MINK1: variants seen among roughly 807,000 people sequenced by gnomAD.
The protein encoded by MINK1 is misshapen-like kinase 1.
A neutral mutation model predicts 178.4 loss-of-function variants in MINK1; 46 were observed. That is an observed-to-expected ratio of 0.26 (90% CI 0.20 to 0.33). MINK1 has a LOEUF of 0.33. Ranked by LOEUF, MINK1 falls within the 10% of genes least tolerant of loss-of-function variation. The probability of loss-of-function intolerance (pLI) is 1.00; values close to 1 mark genes in which losing one functional copy is unlikely to be tolerated. For synonymous variants in MINK1, 797 were observed against 709.7 expected, an observed-to-expected ratio of 1.12 and a Z score of -1.96; for missense variants, 1,366 against 1,814.9, an observed-to-expected ratio of 0.75 and a Z score of 4.49.
At chr17:4,841,960 G>A (rs1363223928) in intron 1 of MINK1, among the ~76,000 whole-genome samples, 1 of 152,070 alleles carries the variant, frequency 6.6e-6, no homozygotes, top group Non-Finnish European at 1.5e-5. Flanking sequence ...GGTGGCTCAC[G>A]CCTGTAATCC....
intron 5 of MINK1, 29 bp downstream of exon 5, chr17:4,884,502 C>T (rs1968015933): frequency 1.3e-6 from 2 of 1,514,908 alleles, no homozygotes; most frequent in African/African-American, 1.4e-5. Context: ...CCCTTGTCTT[C>T]TCCTCCGCTA....
chr17:4,865,719 C>CAA lies in MINK1; in HGVS notation c.58-12579_58-12578dup, dbSNP rs141814055. On this transcript the variant is annotated intron_variant, in intron 1 of 31. Transcript: ENST00000355280. ...TCAACACAGGGAGACCCGTCTCTAC[C>CAA]AAAAAAAAAAAAAAAAAAAAGCCAG... 7.9e-4 allele frequency among the ~76,000 whole-genome samples: 80 copies of CAA among 101,580 alleles called. 1 individual carries two copies. The highest frequency in any genetic ancestry group is 2.6e-3 in the African/African-American group (74 of 28,656). 66.6% of individuals were successfully genotyped at this position (101,580 alleles called of 152,430 possible). A position where few individuals can be genotyped will look rare whatever the true frequency, so the allele number is the denominator to read the frequency against.
chr17:4,875,127 TC>T (rs750439494), intron 1 of MINK1: 21 of 519,928 alleles, frequency 4.0e-5, no homozygotes, highest in South Asian at 2.8e-4. Context: ...ATGGATGAGT[TC>T]TTCTGTTGGG....
At position 4,886,968 on chromosome 17, in the gene MINK1, C is replaced by T; in HGVS notation, c.950-142C>T. On this transcript the variant is annotated intron_variant, in intron 10 of 31. Coordinates refer to ENST00000355280, the MANE Select transcript of MINK1 (RefSeq NM_153827.5). This position sits in a 1 kb window ranked among gnomAD's most constrained non-coding sequence, Gnocchi z 6.1. Reference sequence around the variant, plus strand: ...CAGGCCCACACCTGAGACCCGCTGTCCTCCCATTGCCCCCAGGAAGTGGGT... The same window carrying T: ...CAGGCCCACACCTGAGACCCGCTGTTCTCCCATTGCCCCCAGGAAGTGGGT... 2.6e-6 allele frequency: 2 copies of T among 774,128 alleles called. No homozygotes were observed. The highest frequency in any genetic ancestry group is 4.2e-6 in the Non-Finnish European group (2 of 474,106). The allele number at this position is 774,128 out of a possible 1,614,324, so 48.0% of individuals were successfully genotyped here.
chr17:4,891,895 G>A (rs991222796), intron 16 of MINK1, among the ~76,000 whole-genome samples, 179 bp downstream of exon 16: 5 of 152,174 alleles, frequency 3.3e-5, no homozygotes, highest in Non-Finnish European at 7.3e-5. Context: ...GGGTGGCATC[G>A]ATCCCTGTGG....
At chr17:4,859,769 CAA>C (rs369995191) in intron 1 of MINK1, among the ~76,000 whole-genome samples, 2,899 of 97,294 alleles carry the variant, frequency 0.03, 90 homozygotes, top group African/African-American at 0.098. Context: ...GCCTGGGTGA[CAA>C]GAGCGAAACT....
Position 4,887,443 on chromosome 17 carries a change from T to G in MINK1, c.1020-137T>G, listed in dbSNP as rs1968319755. The G allele has an allele frequency of 2.4e-6, 2 of 840,480 alleles. No homozygotes were observed. The highest frequency in any genetic ancestry group is 3.5e-5 in the African/African-American group (2 of 57,774). The allele number at this position is 840,480 out of a possible 1,614,324, so 52.1% of individuals were successfully genotyped here. On this transcript the variant is annotated intron_variant, in intron 11 of 31. Transcript: ENST00000355280. The surrounding 1 kb of genome is among the most constrained non-coding windows in gnomAD (Gnocchi z 7.6). ...AGACTGGGCAGAAGGGGACGGTAAG[T>G]CTCCTGGCCACCTGGGAGTGGCCAG...
At chr17:4,843,141 C>T (rs1046577359) in intron 1 of MINK1, among the ~76,000 whole-genome samples, 9 of 152,152 alleles carry the variant, frequency 5.9e-5, no homozygotes, top group Non-Finnish European at 1.3e-4. Flanking sequence ...CTGAGCCCCA[C>T]GTGTCGAAGC....
chr17:4,844,499 G>C, intron 1 of MINK1: 2 of 468,338 alleles, frequency 4.3e-6, no homozygotes, highest in Non-Finnish European at 8.6e-6. Context: ...TTGGCCTCTA[G>C]ATCTGTGTCT....
chr17:4,841,903 G>A (rs1031840975), intron 1 of MINK1, among the ~76,000 whole-genome samples: 5 of 152,068 alleles, frequency 3.3e-5, no homozygotes, highest in African/African-American at 4.8e-5. Context: ...GGGGGTGTTC[G>A]GAAATGCTGA....
rs746728309 is a variant in MINK1, at chr17:4,894,177, C to T, written c.2674C>T (p.Pro892Ser). Residue 892 changes from proline to serine, a missense_variant, in exon 23 of 32, where the codon CCT becomes TCT. Physicochemically the swap from Pro to Ser is moderately conservative, Grantham distance 74. Transcript: ENST00000355280. The surrounding 1 kb of genome is among the most constrained non-coding windows in gnomAD (Gnocchi z 4.1). ...AACCCTGCCCTCTGTCCTGTAGACC[C>T]CTGAAGAGGAGCGGAACCTGCTGCA... ...GGGTMVVQRT[P>S]EEERNLLHAD... 2 of 1,613,562 alleles carry T rather than the reference C, an allele frequency of 1.2e-6. No homozygotes were observed. Among genetic ancestry groups the T allele is most frequent in the African/African-American group, 1.3e-5 (1 of 74,878 alleles).
rs1394389673 is a variant in MINK1 at position 4,892,728 on chromosome 17, C to G, written c.2271C>G (p.His757Gln). 1 of 1,612,030 alleles carries G rather than the reference C, an allele frequency of 6.2e-7. No homozygotes were observed. The highest frequency in any genetic ancestry group is 8.5e-7 in the Non-Finnish European group (1 of 1,179,552). ...GCGTCCTTCCAGCCTCTCACGGGCA[C>G]CTCCCCCAGGCTGGCTCACTGGAGC... ...SDSVLPASHGHLPQAGSLERN... is the reference protein window; with the variant it reads ...SDSVLPASHGQLPQAGSLERN... The change falls in exon 19 of 32, where the codon CAC becomes CAG. Residue 757 changes from histidine (H) to glutamine (Q), a missense_variant. Coordinates refer to ENST00000355280, the MANE Select transcript of MINK1 (RefSeq NM_153827.5).
chr17:4,878,465 G>C (rs1478967802), intron 2 of MINK1, 83 bp downstream of exon 2: 2 of 1,296,776 alleles, frequency 1.5e-6, no homozygotes, highest in Non-Finnish European at 2.1e-6. Context: ...TTCCTGGTCT[G>C]CAGGTCTGAA....
Position 4,885,082 on chromosome 17 carries a change from G to T in MINK1, c.508+80G>T. The T allele has an allele frequency of 7.4e-7, 1 of 1,346,766 alleles. No individual in the cohort carries two copies. The highest frequency in any genetic ancestry group is 1.0e-6 in the Non-Finnish European group (1 of 955,624). 83.4% of individuals were successfully genotyped at this position (1,346,766 alleles called of 1,614,324 possible). A position where few individuals can be genotyped will look rare whatever the true frequency, so the allele number is the denominator to read the frequency against. ...TGAGGGGCCCCTTTTTCTCTCTGGT[G>T]GCTCAGGCCCAACTCCCTTCCTACT... On this transcript the variant is annotated intron_variant, in intron 6 of 31. Coordinates refer to ENST00000355280, the MANE Select transcript of MINK1 (RefSeq NM_153827.5). This position sits in a 1 kb window ranked among gnomAD's most constrained non-coding sequence, Gnocchi z 5.0.
rs1455238273 is a variant in MINK1 at position 4,894,726 on chromosome 17, A to G, written c.2917+93A>G. Reference sequence around the variant, plus strand: ...GTCTTGAGACGCAGCCTCACAAAGCATAGCCACAGGACCTCTCCCTTGGGC... The same window carrying G: ...GTCTTGAGACGCAGCCTCACAAAGCGTAGCCACAGGACCTCTCCCTTGGGC... On this transcript the variant is annotated intron_variant, in intron 24 of 31. Coordinates refer to ENST00000355280, the MANE Select transcript of MINK1 (RefSeq NM_153827.5). The surrounding 1 kb of genome is among the most constrained non-coding windows in gnomAD (Gnocchi z 4.1). 1.1e-5 allele frequency: 11 copies of G among 1,002,110 alleles called. No homozygotes were observed. Among genetic ancestry groups the G allele is most frequent in the African/African-American group, 3.2e-5 (2 of 62,648 alleles). 62.1% of individuals were successfully genotyped at this position (1,002,110 alleles called of 1,614,324 possible). A position where few individuals can be genotyped will look rare whatever the true frequency, so the allele number is the denominator to read the frequency against.
chr17:4,877,243 C>T (rs559021616), intron 1 of MINK1, among the ~76,000 whole-genome samples: 5 of 152,244 alleles, frequency 3.3e-5, no homozygotes, highest in African/African-American at 4.8e-5. Context: ...GCCTCCCGAC[C>T]GCAGCTGTGT....
Position 4,886,075 on chromosome 17 carries a change from T to C in MINK1, c.695-45T>C, listed in dbSNP as rs1968169217. 6.2e-7 allele frequency: 1 copy of C among 1,610,974 alleles called. No homozygotes were observed. The highest frequency in any genetic ancestry group is 1.1e-5 in the South Asian group (1 of 91,020). ...CCCTGCCGAGGAAGGGTCCTGTAGC[T>C]CCCAGTGCAGTGAAAGGGACTGAGG... On this transcript the variant is annotated intron_variant, in intron 8 of 31. Coordinates refer to ENST00000355280, the MANE Select transcript of MINK1 (RefSeq NM_153827.5). The surrounding 1 kb of genome is among the most constrained non-coding windows in gnomAD (Gnocchi z 6.1).
chr17:4,870,794 C>T (rs575753746), intron 1 of MINK1, among the ~76,000 whole-genome samples: 1 of 152,278 alleles, frequency 6.6e-6, no homozygotes, highest in East Asian at 1.9e-4. Context: ...TACTGCACTC[C>T]AGCCTCAGCA....
chr17:4,891,056 C>T lies in MINK1; in HGVS notation c.1672C>T (p.Pro558Ser), dbSNP rs1166866893. The T allele has an allele frequency of 5.8e-6, 9 of 1,553,794 alleles. No homozygotes were observed. Among genetic ancestry groups the T allele is most frequent in the Non-Finnish European group, 7.8e-6 (9 of 1,148,808 alleles). Residue 558 changes from proline (P) to serine (S), a missense_variant, in exon 15 of 32, where the codon CCC becomes TCC. Pro to Ser is a moderately conservative substitution (Grantham distance 74). Transcript: ENST00000355280. The stretch of plus-strand genomic sequence containing the variant: ...CCCCATCCCCCAGGCCTCCCCAGGG[C>T]CCCCAGGACCCCTTTCCCAGACTCC... Reference protein sequence around the residue: ...EPPIPQASPGPPGPLSQTPPM... With the variant: ...EPPIPQASPGSPGPLSQTPPM...
Sources: allele counts gnomAD v4.1 joint callset (sites outside exome capture counted in the v4.1 genomes callset), GRCh38; gene constraint gnomAD v4.1.1; non-coding constraint Gnocchi (gnomAD v3.1); transcripts MANE v1.5; gene names NCBI Gene and HGNC (gene_info 2026-07-23, HGNC 2026-07-21).